Variants in FBXO11 observed in about 807,000 individuals in gnomAD.
FBXO11 encodes F-box only protein 11.
In FBXO11, 13 loss-of-function variants were observed where a neutral mutation model predicts 117.0. The ratio of observed to expected loss-of-function variants is 0.11; its 90% CI spans 0.07 to 0.18. The LOEUF is 0.18. Ranked by LOEUF, FBXO11 falls within the 10% of genes least tolerant of loss-of-function variation. The pLI is 1.00. For synonymous variants in FBXO11, 490 were observed against 380.5 expected, an observed-to-expected ratio of 1.29 and a Z score of -3.35; for missense variants, 767 against 1,164.4, an observed-to-expected ratio of 0.66 and a Z score of 4.97.
chr2:47,832,714 T>C (rs984618989), intron 9 of FBXO11, 36 bp from the exon 10 acceptor site: 5 of 1,608,444 alleles, frequency 3.1e-6, no homozygotes, highest in Admixed American at 1.7e-5. Flanking sequence ...AAAAACCTAC[T>C]GGGCAACATA....
chr2:47,828,354 T>C (rs944352762), intron 11 of FBXO11, among the ~76,000 whole-genome samples: 1 of 152,124 alleles, frequency 6.6e-6, no homozygotes, highest in African/African-American at 2.4e-5. Context: ...CATTCTTTAT[T>C]AAATATGACA....
chr2:47,840,090 C>G (rs1672899841), intron 1 of FBXO11, among the ~76,000 whole-genome samples: 1 of 151,748 alleles, frequency 6.6e-6, no homozygotes, highest in South Asian at 2.1e-4. Flanking sequence ...ACTACAGGCG[C>G]CCGCCACCAC....
chr2:47,845,847 T>C (rs1240692047), intron 1 of FBXO11, among the ~76,000 whole-genome samples: 1 of 151,644 alleles, frequency 6.6e-6, no homozygotes, highest in Non-Finnish European at 1.5e-5. Flanking sequence ...GAGTTCTTCG[T>C]AGAAGCCATC....
At position 47,808,094 on chromosome 2, in the gene FBXO11, G is replaced by C; in HGVS notation, c.*24C>G. The C allele has an allele frequency of 6.3e-7, 1 of 1,585,990 alleles. No homozygotes were observed. Among genetic ancestry groups the C allele is most frequent in the Non-Finnish European group, 8.6e-7 (1 of 1,166,352 alleles). ...TTTAAGTTATGATGTTACAATGGCA[G>C]GACTTTTTCTTTAGGGAAGGAATTC... On this transcript the variant is annotated 3_prime_UTR_variant, in exon 23 of 23. Coordinates refer to ENST00000403359, the MANE Select transcript of FBXO11 (RefSeq NM_001190274.2).
intron 1 of FBXO11, among the ~76,000 whole-genome samples, chr2:47,851,003 T>G (rs2103646247): frequency 6.6e-6 from 1 of 152,368 alleles, no homozygotes; most frequent in Non-Finnish European, 1.5e-5. Flanking sequence ...TTTTTAAAGT[T>G]AGTAACTTCC....
intron 1 of FBXO11, among the ~76,000 whole-genome samples, chr2:47,875,152 C>A (rs958188692): frequency 1.3e-5 from 2 of 152,066 alleles, no homozygotes; most frequent in African/African-American, 4.8e-5. Context: ...TCTGTGCAGT[C>A]CAACATGGCA....
In FBXO11 at chr2:47,863,244, T is replaced by C. The variant is rs147792530; in HGVS notation, c.233-23475A>G. ...CAAGTTAAAAATGCTATAGGAGAGC[T>C]AATGAGCTAATTATTAAATTAGAAT... On this transcript the variant is annotated intron_variant, in intron 1 of 22. Transcript: ENST00000403359. Among the ~76,000 whole-genome samples, 78 of 152,320 alleles carry C rather than the reference T, an allele frequency of 5.1e-4. No homozygotes were observed. In the East Asian group the frequency reaches 0.015, roughly 29 times the overall value.
intron 1 of FBXO11, among the ~76,000 whole-genome samples, chr2:47,876,004 A>G (rs762338819): frequency 6.6e-5 from 10 of 152,192 alleles, no homozygotes; most frequent in Non-Finnish European, 1.3e-4. Context: ...CACAACAACT[A>G]TGAGAAGGTA....
At position 47,889,474 on chromosome 2, in the gene FBXO11, C is replaced by G. The variant is rs534188242; in HGVS notation, c.232+16015G>C. On this transcript the variant is annotated intron_variant, in intron 1 of 22. Transcript: ENST00000403359. ...TCTCTTGGTTTAGGTTTATAAGAAG[C>G]CTGTAAGATGGTCCGACAACTTATC... 1.2e-4 allele frequency among the ~76,000 whole-genome samples: 19 copies of G among 152,224 alleles called. No individual in the cohort carries two copies. The South Asian group carries it at 3.9e-3, about 32-fold the overall frequency.
In FBXO11 at chr2:47,905,724, C is replaced by T. The variant is rs1678759640; in HGVS notation, c.-4G>A. On this transcript the variant is annotated 5_prime_UTR_variant, in exon 1 of 23. Transcript: ENST00000403359. ...TGGCGGCTCGGACGGAGTTCATTTGCCGGGCTGAGGTGGCGGCGTTGGCGG... is the reference window on the plus strand; with the variant it reads ...TGGCGGCTCGGACGGAGTTCATTTGTCGGGCTGAGGTGGCGGCGTTGGCGG... The T allele has an allele frequency of 1.3e-6, 2 of 1,521,116 alleles. No homozygotes were observed. Among genetic ancestry groups the T allele is most frequent in the African/African-American group, 1.4e-5 (1 of 69,486 alleles). The allele number at this position is 1,521,116 out of a possible 1,614,324, so 94.2% of individuals were successfully genotyped here. A position where few individuals can be genotyped will look rare whatever the true frequency, so the allele number is the denominator to read the frequency against.
intron 7 of FBXO11, among the ~76,000 whole-genome samples, chr2:47,833,616 C>T (rs1486752996): frequency 6.6e-6 from 1 of 152,154 alleles, no homozygotes; most frequent in Non-Finnish European, 1.5e-5. Context: ...AAAAAAACCA[C>T]AAATCTTCAA....
At position 47,809,648 on chromosome 2, in the gene FBXO11, G is replaced by T; in HGVS notation, c.2398C>A (p.Arg800=). 1 of 1,613,422 alleles carries T rather than the reference G, an allele frequency of 6.2e-7. No individual in the cohort carries two copies. The highest frequency in any genetic ancestry group is 8.5e-7 in the Non-Finnish European group (1 of 1,179,772). The change falls in exon 20 of 23, where the codon CGG becomes AGG. Residue 800 remains arginine, a synonymous_variant. Transcript: ENST00000403359. ...GATGCTAAAAATAAGCCTCCAAACC[G>T]GTTGTTAAAAATCTGATTGCCTTCT... ...TLEGNQIFNN[R]FGGLFLASGV...
rs978733957 is a variant in FBXO11 at position 47,877,948 on chromosome 2, G to A, written c.232+27541C>T. ...TCCGCCTGCCTCGGCCTCCCAAAGT[G>A]CTGGGATTACAGGCGTGAGCCACCG... On this transcript the variant is annotated intron_variant, in intron 1 of 22. Coordinates refer to ENST00000403359, the MANE Select transcript of FBXO11 (RefSeq NM_001190274.2). Among the ~76,000 whole-genome samples the A allele has an allele frequency of 1.4e-4, 22 of 152,212 alleles. 1 individual carries two copies. Among genetic ancestry groups the A allele is most frequent in the Non-Finnish European group, 2.4e-4 (16 of 68,046 alleles).
In FBXO11 at chr2:47,812,846, CAGTTACAAAAGCAATACCCGTTTACTAA is replaced by C; in HGVS notation, c.2227+360_2227+387del. On this transcript the variant is annotated intron_variant, in intron 18 of 22. Transcript: ENST00000403359. ...ACTCTCCAACAAACACAGTTGAAAA[CAGTTACAAAAGCAATACCCGTTTACTAA>C]AGACATTTTCAGATATTTACAGATC... is the stretch of plus-strand genomic sequence containing the variant. 1.6e-5 allele frequency: 4 copies of C among 252,520 alleles called. No homozygotes were observed. In the South Asian group the frequency reaches 1.7e-4, roughly 11 times the overall value. The allele number at this position is 252,520 out of a possible 1,614,324, so 15.6% of individuals were successfully genotyped here. A position where few individuals can be genotyped will look rare whatever the true frequency, so the allele number is the denominator to read the frequency against.
At chr2:47,813,635 G>C (rs1437893454) in intron 17 of FBXO11, among the ~76,000 whole-genome samples, 156 bp downstream of exon 17, 1 of 151,886 alleles carries the variant, frequency 6.6e-6, no homozygotes, top group Admixed American at 6.6e-5. Context: ...GTTTCACCAT[G>C]TTGGCCAGGC....
At chr2:47,810,661 C>T (rs1670547975) in intron 18 of FBXO11, 2 of 398,850 alleles carry the variant, frequency 5.0e-6, no homozygotes, top group South Asian at 9.6e-5. Flanking sequence ...TCCATGATAG[C>T]AGGGTCCATG....
At chr2:47,818,914 A>G (rs1671190878) in intron 15 of FBXO11, 42 bp downstream of exon 15, 1 of 1,586,140 alleles carries the variant, frequency 6.3e-7, no homozygotes. Flanking sequence ...AAGTATTTAC[A>G]AAACAATGTA....
Position 47,841,263 on chromosome 2 carries a change from T to C in FBXO11, c.233-1494A>G, listed in dbSNP as rs553688242. 3.9e-5 allele frequency among the ~76,000 whole-genome samples: 6 copies of C among 152,320 alleles called. No homozygotes were observed. In the South Asian group the frequency reaches 1.2e-3, roughly 32 times the overall value. On this transcript the variant is annotated intron_variant, in intron 1 of 22. Coordinates refer to ENST00000403359, the MANE Select transcript of FBXO11 (RefSeq NM_001190274.2). ...CACCAAATAAGCAAACACTTATTCT[T>C]CCTTTCTTACATAAACTGAATCACC...
chr2:47,828,786 A>C (rs1258962492), intron 11 of FBXO11, among the ~76,000 whole-genome samples: 2 of 152,190 alleles, frequency 1.3e-5, no homozygotes, highest in Non-Finnish European at 2.9e-5. Flanking sequence ...GCTGGGAACT[A>C]ACCAATGTTA....
Sources: allele counts gnomAD v4.1 joint callset (sites outside exome capture counted in the v4.1 genomes callset), GRCh38; gene constraint gnomAD v4.1.1; transcripts MANE v1.5; gene names NCBI Gene and HGNC (gene_info 2026-07-23, HGNC 2026-07-21).